Variants in ABHD8 observed in about 807,000 individuals in gnomAD.
ABHD8 encodes the protein protein ABHD8.
Under a neutral mutation model 29.3 loss-of-function variants are expected in ABHD8, and 10 were observed. That is an observed-to-expected ratio of 0.34 (90% confidence interval 0.21 to 0.58). ABHD8 has a LOEUF of 0.58. ABHD8 is among the 20% of genes least tolerant of loss of function. ABHD8 has a pLI of 0.85. For synonymous variants in ABHD8, 282 were observed against 274.6 expected, an observed-to-expected ratio of 1.03 and a Z score of -0.27; for missense variants, 556 against 615.3, an observed-to-expected ratio of 0.90 and a Z score of 1.02.
chr19:17,294,891 CAGCAGGATACA>C (rs2074086937), intron 2 of ABHD8, 46 bp from the exon 3 acceptor site: 1 of 1,595,220 alleles, frequency 6.3e-7, no homozygotes, highest in Non-Finnish European at 8.6e-7. Flanking sequence ...GGGAGGCGGT[CAGCAGGATACA>C]AGCAGTGACC....
At chr19:17,302,824 A>T (rs1442120712) in intron 1 of ABHD8, 3 of 151,950 alleles carry the variant, frequency 2.0e-5, no homozygotes, top group African/African-American at 7.3e-5. Flanking sequence ...GCGGTTACAT[A>T]ACCTAAGGGG....
rs1161758768 is a variant in ABHD8 at position 17,299,495 on chromosome 19, A to G, written c.761+1361T>C. Among the ~76,000 whole-genome samples the G allele has an allele frequency of 2.8e-5, 4 of 143,458 alleles. No homozygotes were observed. In the Admixed American group the frequency reaches 3.0e-4, roughly 11 times the overall value. 94.1% of individuals were successfully genotyped at this position (143,458 alleles called of 152,430 possible). A position where few individuals can be genotyped will look rare whatever the true frequency, so the allele number is the denominator to read the frequency against. On this transcript the variant is annotated intron_variant, in intron 2 of 4. Transcript: ENST00000247706. Reference sequence around the variant, plus strand: ...AGAATGGCATGAACCTGGGAGGTGGAGCTTGCAGTGAGCCAGGATCACGCC... The same window carrying G: ...AGAATGGCATGAACCTGGGAGGTGGGGCTTGCAGTGAGCCAGGATCACGCC...
chr19:17,301,252 G>A lies in ABHD8; in HGVS notation c.365C>T (p.Ala122Val), dbSNP rs1210659112. Residue 122 changes from alanine (A) to valine (V), a missense_variant, in exon 2 of 5, where the codon GCA becomes GTA. Ala to Val is a moderately conservative substitution (Grantham distance 64). Coordinates refer to ENST00000247706, the MANE Select transcript of ABHD8 (RefSeq NM_024527.5). ...EPPAALEVEL[A>V]DPAGSDGRLA... ...GCGGCCATCGCTGCCCGCCGGATCTGCCAGCTCCACCTCCAGGGCGGCCGG... is the reference window on the plus strand; with the variant it reads ...GCGGCCATCGCTGCCCGCCGGATCTACCAGCTCCACCTCCAGGGCGGCCGG... 1.3e-6 allele frequency: 2 copies of A among 1,598,146 alleles called. No homozygotes were observed. The highest frequency in any genetic ancestry group is 1.3e-5 in the African/African-American group (1 of 74,260).
chr19:17,301,011 G>A lies in ABHD8; in HGVS notation c.606C>T (p.Gly202=). The change falls in exon 2 of 5, where the codon GGC becomes GGT. Residue 202 remains glycine (G), a synonymous_variant. Transcript: ENST00000247706. ...KEQLDFFVRL[G]YEVVAPDLAG... ...CCAGGTCAGGAGCCACCACCTCATA[G>A]CCTAGGCGCACAAAGAAGTCCAGCT... 6.2e-7 allele frequency: 1 copy of A among 1,613,502 alleles called. No homozygotes were observed. The highest frequency in any genetic ancestry group is 8.5e-7 in the Non-Finnish European group (1 of 1,180,028).
At chr19:17,296,856 G>C (rs890468405) in intron 2 of ABHD8, among the ~76,000 whole-genome samples, 1 of 151,830 alleles carries the variant, frequency 6.6e-6, no homozygotes, top group Non-Finnish European at 1.5e-5. Flanking sequence ...CATTATGCCC[G>C]GCTAATTTTT....
intron 2 of ABHD8, among the ~76,000 whole-genome samples, chr19:17,299,289 C>T (rs549737672): frequency 7.1e-5 from 10 of 140,094 alleles, no homozygotes; most frequent in East Asian, 6.9e-4. Context: ...TGGCCTGGTG[C>T]GTTGGCTCAC....
At chr19:17,294,184 AAG>A (rs948329004) in intron 4 of ABHD8, 102 bp downstream of exon 4, 71 of 1,390,652 alleles carry the variant, frequency 5.1e-5, no homozygotes, top group African/African-American at 1.9e-4. Context: ...CTCGGGAAGA[AAG>A]CACGCCCACC....
chr19:17,294,772 C>T lies in ABHD8; in HGVS notation c.835G>A (p.Gly279Ser). 1.2e-6 allele frequency: 2 copies of T among 1,614,206 alleles called. No individual in the cohort carries two copies. The highest frequency in any genetic ancestry group is 1.7e-5 in the Admixed American group (1 of 60,024). The change falls in exon 3 of 5, where the codon GGC becomes AGC. Residue 279 changes from glycine (G) to serine (S), a missense_variant. By Grantham distance (56) the Gly-to-Ser change is moderately conservative. Coordinates refer to ENST00000247706, the MANE Select transcript of ABHD8 (RefSeq NM_024527.5). ...AAGCTGGGCTCCAGCGCCGTAGGGC[C>T]CCCGCCATTGATCATGATCACCTTG... The part of the protein sequence containing the change: ...VHKVIMINGG[G>S]PTALEPSFCS...
Position 17,303,239 on chromosome 19 carries a change from C to T in ABHD8, c.-9+3G>A, listed in dbSNP as rs1210261229. 1 of 152,262 alleles carries T rather than the reference C, an allele frequency of 6.6e-6. No homozygotes were observed. The highest frequency in any genetic ancestry group is 1.9e-4 in the East Asian group (1 of 5,188). 9.4% of individuals were successfully genotyped at this position (152,262 alleles called of 1,614,324 possible). A position where few individuals can be genotyped will look rare whatever the true frequency, so the allele number is the denominator to read the frequency against. On this transcript the variant is annotated splice_donor_region_variant and intron_variant, in intron 1 of 4. Coordinates refer to ENST00000247706, the MANE Select transcript of ABHD8 (RefSeq NM_024527.5). Reference sequence around the variant, plus strand: ...CTCCTTTTGGGGCCCGTTCCCCGCTCACCTCATCGAGGGCCGCGGGGCCCG... The same window carrying T: ...CTCCTTTTGGGGCCCGTTCCCCGCTTACCTCATCGAGGGCCGCGGGGCCCG...
At chr19:17,294,227 G>GC in intron 4 of ABHD8, 61 bp downstream of exon 4, 1 of 1,556,020 alleles carries the variant, frequency 6.4e-7, no homozygotes, top group Non-Finnish European at 8.7e-7. Context: ...CAGAGGCCAC[G>GC]CCCCTCCCGG....
Position 17,294,351 on chromosome 19 carries a change from G to T in ABHD8, c.1086C>A (p.Val362=). ...TATCGTGCATGCCGTGGACAAGCAG[G>T]ACGGGCACGGTGAGCTCGGCGTGGT... ...EVYHAELTVP[V]LLVHGMHDKF... is the part of the protein sequence containing the mutation. Residue 362 remains valine (V), a synonymous_variant, in exon 4 of 5, where the codon GTC becomes GTA. Transcript: ENST00000247706. 1 of 1,613,372 alleles carries T rather than the reference G, an allele frequency of 6.2e-7. No homozygotes were observed.
chr19:17,302,833 G>A (rs1168017732), intron 1 of ABHD8: 1 of 152,272 alleles, frequency 6.6e-6, no homozygotes, highest in African/African-American at 2.4e-5. Context: ...TAACCTAAGG[G>A]GGGGATACCC....
chr19:17,294,292 G>C lies in ABHD8; in HGVS notation c.1145C>G (p.Ala382Gly). The change falls in exon 4 of 5, where the codon GCC becomes GGC. Residue 382 changes from alanine to glycine, a missense_variant. Transcript: ENST00000247706. ...GCCCCAGGTGCCCGCCTCTACCTCG[G>C]CCATGCGCTGGTCTTCCTCCACCGG... Reference protein sequence around the residue: ...FVPVEEDQRMAEILLLAFLKL... With the variant: ...FVPVEEDQRMGEILLLAFLKL... 1 of 1,603,120 alleles carries C rather than the reference G, an allele frequency of 6.2e-7. No individual in the cohort carries two copies. The highest frequency in any genetic ancestry group is 8.5e-7 in the Non-Finnish European group (1 of 1,179,254).
chr19:17,296,570 A>C (rs2074094527), intron 2 of ABHD8: 1 of 152,208 alleles, frequency 6.6e-6, no homozygotes, highest in South Asian at 2.1e-4. Context: ...GAAGCCCCCA[A>C]AGCTGAGCTC....
In ABHD8 at chr19:17,293,660, C is replaced by T. The variant is rs894843419; in HGVS notation, c.1149+628G>A. ...GGCAGAATCCTCCTTAGTTAAGAAC[C>T]ACCAGTCCAGTTATACTTTAATGGT... On this transcript the variant is annotated intron_variant, in intron 4 of 4. Coordinates refer to ENST00000247706, the MANE Select transcript of ABHD8 (RefSeq NM_024527.5). 4.0e-5 allele frequency among the ~76,000 whole-genome samples: 6 copies of T among 151,242 alleles called. No homozygotes were observed. In the East Asian group the frequency reaches 5.8e-4, roughly 15 times the overall value.
intron 2 of ABHD8, chr19:17,296,411 A>T (rs1345170558): frequency 6.6e-6 from 1 of 152,200 alleles, no homozygotes; most frequent in Non-Finnish European, 1.5e-5. Flanking sequence ...CTCATCAGCA[A>T]GTGGTAGGAA....
chr19:17,295,090 ATTTTTT>A (rs779607230), intron 2 of ABHD8, among the ~76,000 whole-genome samples: 8 of 80,410 alleles, frequency 9.9e-5, no homozygotes, highest in Non-Finnish European at 1.6e-4. Flanking sequence ...CACCCAGGTA[ATTTTTT>A]TTTTTTTTTT....
intron 4 of ABHD8, among the ~76,000 whole-genome samples, 190 bp downstream of exon 4, chr19:17,294,098 C>A (rs1164513704): frequency 6.6e-6 from 1 of 152,122 alleles, no homozygotes; most frequent in Non-Finnish European, 1.5e-5. Context: ...TGATGCTAGA[C>A]CTAATGCTCC....
chr19:17,294,711 T>C lies in ABHD8; in HGVS notation c.896A>G (p.His299Arg). 1 of 1,614,138 alleles carries C rather than the reference T, an allele frequency of 6.2e-7. No homozygotes were observed. Among genetic ancestry groups the C allele is most frequent in the Non-Finnish European group, 8.5e-7 (1 of 1,180,040 alleles). ...CCAGGCCAGGCAGGGCGACAAGCAGTGCAGGACGCAGGTGGGCATGTTGAA... is the reference window on the plus strand; with the variant it reads ...CCAGGCCAGGCAGGGCGACAAGCAGCGCAGGACGCAGGTGGGCATGTTGAA... ...SIFNMPTCVL[H>R]CLSPCLAWSF... The change falls in exon 3 of 5, where the codon CAC becomes CGC. Residue 299 changes from histidine (H) to arginine (R), a missense_variant. Around this residue, in one of 2 missense-constraint regions of ABHD8, gnomAD observed 270 missense variants for 353.9 expected, o/e 0.76. Coordinates refer to ENST00000247706, the MANE Select transcript of ABHD8 (RefSeq NM_024527.5).
Sources: gnomAD v4.1 joint callset for allele counts (sites outside exome capture counted in the v4.1 genomes callset) on GRCh38, gnomAD v4.1.1 for gene constraint, gnomAD v4.1.1 regional missense constraint, MANE v1.5 for transcripts, NCBI Gene and HGNC (gene_info 2026-07-23, HGNC 2026-07-21) for gene names.